Variants in RTN1 observed in about 807,000 individuals in gnomAD.
The protein encoded by RTN1 is reticulon 1, also known as reticulon-1.
A neutral mutation model predicts 65.5 loss-of-function variants in RTN1; 25 were observed. The observed-to-expected ratio is 0.38, with a 90% CI of 0.28 to 0.53. The LOEUF (loss-of-function observed/expected upper bound fraction) is 0.53. RTN1 is among the 20% of genes least tolerant of loss of function. The pLI is 0.79. For missense variants in RTN1, 983 were observed against 1,025.4 expected, an observed-to-expected ratio of 0.96 and a Z score of 0.57; for synonymous variants, 471 against 447.6, an observed-to-expected ratio of 1.05 and a Z score of -0.66.
rs112748783 is a variant in RTN1 at position 59,728,387 on chromosome 14, A to G, written c.1016-719T>C. 6.9e-3 allele frequency among the ~76,000 whole-genome samples: 1,039 copies of G among 151,072 alleles called. 14 individuals are homozygous for G. Among genetic ancestry groups the G allele is most frequent in the African/African-American group, 0.024 (1,005 of 41,206 alleles). On this transcript the variant is annotated intron_variant, in intron 2 of 8. Coordinates refer to ENST00000267484, the MANE Select transcript of RTN1 (RefSeq NM_021136.3). ...GCTTTCCATAGTGGCAGCCCACTGTATTCTTTCCCTTTCTTCTCCTCTCTT... is the reference window on the plus strand; with the variant it reads ...GCTTTCCATAGTGGCAGCCCACTGTGTTCTTTCCCTTTCTTCTCCTCTCTT...
chr14:59,684,699 G>T (rs1393389598), intron 3 of RTN1, among the ~76,000 whole-genome samples: 2 of 151,960 alleles, frequency 1.3e-5, no homozygotes, highest in African/African-American at 4.8e-5. Context: ...TTACCTCCTT[G>T]AGATTTTTTT....
chr14:59,752,935 A>G (rs1260720633), intron 1 of RTN1, among the ~76,000 whole-genome samples: 1 of 152,212 alleles, frequency 6.6e-6, no homozygotes. Context: ...TGGTAGACAC[A>G]GGCAGAGAGA....
At chr14:59,791,392 C>G (rs568526380) in intron 1 of RTN1, among the ~76,000 whole-genome samples, 1 of 152,288 alleles carries the variant, frequency 6.6e-6, no homozygotes, top group East Asian at 1.9e-4. Flanking sequence ...TCAGCTGGGA[C>G]TTTAAGCAGT....
At position 59,870,450 on chromosome 14, in the gene RTN1, G is replaced by A. The variant is rs1188663496; in HGVS notation, c.181C>T (p.Arg61Trp). The A allele has an allele frequency of 6.6e-7, 1 of 1,505,266 alleles. No individual in the cohort carries two copies. Among genetic ancestry groups the A allele is most frequent in the Non-Finnish European group, 8.8e-7 (1 of 1,137,548 alleles). 93.2% of individuals were successfully genotyped at this position (1,505,266 alleles called of 1,614,324 possible). A position where few individuals can be genotyped will look rare whatever the true frequency, so the allele number is the denominator to read the frequency against. The change falls in exon 1 of 9, where the codon CGG becomes TGG. Residue 61 changes from arginine to tryptophan, a missense_variant. Physicochemically the swap from Arg to Trp is moderately radical, Grantham distance 101. This residue lies in a region of RTN1 where 818 missense variants were observed against 801.8 expected (regional missense o/e 1.02). Coordinates refer to ENST00000267484, the MANE Select transcript of RTN1 (RefSeq NM_021136.3). This position sits in a 1 kb window ranked among gnomAD's most constrained non-coding sequence, Gnocchi z 5.1. ...CGGGCGGGGCCCGAGCCGGCTTCCC[G>A]CGACGCCGCTTCCCGGGCCCTGGCG... ...LGARAREAAS[R>W]EAGSGPARQS...
Position 59,825,365 on chromosome 14 carries a change from A to G in RTN1, c.241+45025T>C, listed in dbSNP as rs1328841071. On this transcript the variant is annotated intron_variant, in intron 1 of 8. Transcript: ENST00000267484. This position sits in a 1 kb window ranked among gnomAD's most constrained non-coding sequence, Gnocchi z 4.2. ...CAGCCCCAATATGGTTTAGGCAACA[A>G]CTGTTCTGCTGCTTCTCCCAGCCCT... Among the ~76,000 whole-genome samples, 12 of 152,340 alleles carry G rather than the reference A, an allele frequency of 7.9e-5. No individual in the cohort carries two copies.
intron 8 of RTN1, among the ~76,000 whole-genome samples, chr14:59,600,258 A>T (rs1881537951): frequency 1.3e-5 from 2 of 151,986 alleles, no homozygotes; most frequent in African/African-American, 4.8e-5. Context: ...CTAAGCAGTA[A>T]TCGGATGATG....
chr14:59,852,516 T>G (rs1006146707), intron 1 of RTN1, among the ~76,000 whole-genome samples: 3 of 152,184 alleles, frequency 2.0e-5, no homozygotes, highest in African/African-American at 7.2e-5. Flanking sequence ...AAATACCATT[T>G]GGTTCCAAAA....
At chr14:59,757,206 C>G (rs973380581) in intron 1 of RTN1, among the ~76,000 whole-genome samples, 1 of 152,028 alleles carries the variant, frequency 6.6e-6, no homozygotes, top group African/African-American at 2.4e-5. Context: ...GTGAGGAGAT[C>G]ATGAGGGAGG....
At chr14:59,637,232 T>G (rs1273964772) in intron 3 of RTN1, among the ~76,000 whole-genome samples, 1 of 152,200 alleles carries the variant, frequency 6.6e-6, no homozygotes, top group Non-Finnish European at 1.5e-5. Flanking sequence ...GTAAATTCCA[T>G]CTCAAGAAAC....
intron 1 of RTN1, among the ~76,000 whole-genome samples, chr14:59,799,202 C>T (rs1234223659): frequency 6.6e-6 from 1 of 152,126 alleles, no homozygotes; most frequent in African/African-American, 2.4e-5. Flanking sequence ...AGAAAAAAGG[C>T]TAAGGATAGT....
At chr14:59,654,358 G>C (rs1259757486) in intron 3 of RTN1, among the ~76,000 whole-genome samples, 1 of 151,744 alleles carries the variant, frequency 6.6e-6, no homozygotes, top group Non-Finnish European at 1.5e-5. Context: ...AACCCGGGCA[G>C]GGGAGGTTGG....
At chr14:59,817,788 GT>G (rs1337894946) in intron 1 of RTN1, among the ~76,000 whole-genome samples, 3 of 152,100 alleles carry the variant, frequency 2.0e-5, no homozygotes, top group Non-Finnish European at 4.4e-5. Flanking sequence ...AGCACATTGC[GT>G]TTTCTCTATT....
intron 1 of RTN1, among the ~76,000 whole-genome samples, chr14:59,837,481 G>T (rs1594761732): frequency 6.6e-6 from 1 of 151,976 alleles, no homozygotes; most frequent in East Asian, 1.9e-4. Flanking sequence ...TTTCTAATAT[G>T]TCAACACCAT....
At chr14:59,777,384 A>G (rs1471511585) in intron 1 of RTN1, among the ~76,000 whole-genome samples, 1 of 152,174 alleles carries the variant, frequency 6.6e-6, no homozygotes, top group Admixed American at 6.5e-5. Flanking sequence ...TCAATTGGAA[A>G]TAGACCAGAT....
intron 8 of RTN1, among the ~76,000 whole-genome samples, chr14:59,602,318 T>C (rs1278452147): frequency 6.6e-6 from 1 of 152,172 alleles, no homozygotes; most frequent in Non-Finnish European, 1.5e-5. Context: ...TAGTTAAAGA[T>C]TAGGCTAGCT....
chr14:59,704,092 C>T (rs1035643645), intron 3 of RTN1, among the ~76,000 whole-genome samples: 1 of 152,174 alleles, frequency 6.6e-6, no homozygotes, highest in Admixed American at 6.5e-5. Context: ...TTCTCTTCCC[C>T]TTTTAAACTT....
intron 2 of RTN1, among the ~76,000 whole-genome samples, chr14:59,737,230 T>G (rs911491116): frequency 8.5e-5 from 13 of 152,230 alleles, no homozygotes; most frequent in African/African-American, 3.1e-4. Context: ...TAACTATCTT[T>G]GTTTGCAGAT....
chr14:59,826,799 G>C (rs1159670499), intron 1 of RTN1, among the ~76,000 whole-genome samples: 2 of 152,138 alleles, frequency 1.3e-5, no homozygotes, highest in Non-Finnish European at 2.9e-5. Context: ...AAAAAAGACA[G>C]GGCCCTGCTT....
chr14:59,778,766 G>A (rs538256934), intron 1 of RTN1, among the ~76,000 whole-genome samples: 30 of 152,272 alleles, frequency 2.0e-4, no homozygotes, highest in Admixed American at 1.1e-3. Flanking sequence ...GAATTAGGGT[G>A]GAAGAAACCC....
Sources: allele counts gnomAD v4.1 joint callset (sites outside exome capture counted in the v4.1 genomes callset), GRCh38; gene constraint gnomAD v4.1.1; regional missense constraint gnomAD v4.1.1; non-coding constraint Gnocchi (gnomAD v3.1); transcripts MANE v1.5; gene names NCBI Gene and HGNC (gene_info 2026-07-23, HGNC 2026-07-21).